PLCB4: variants seen among roughly 807,000 people sequenced by gnomAD.
PLCB4 encodes 1-phosphatidylinositol 4,5-bisphosphate phosphodiesterase beta-4.
In PLCB4, 77 loss-of-function variants were observed where a neutral mutation model predicts 178.8. The ratio of observed to expected loss-of-function variants is 0.43; its 90% confidence interval spans 0.36 to 0.52. PLCB4 has a LOEUF of 0.52. Among genes scored for constraint, PLCB4 ranks in the 20% least tolerant of loss-of-function variants. The pLI is 0.00. For synonymous variants in PLCB4, 496 were observed against 490.8 expected (o/e 1.01, Z -0.14); for missense variants, 1,024 against 1,453.4 (o/e 0.70, Z 4.80).
intron 2 of PLCB4, among the ~76,000 whole-genome samples, chr20:9,182,517 A>G (rs1456850212): frequency 1.3e-5 from 2 of 152,186 alleles, no homozygotes; most frequent in East Asian, 1.9e-4. Context: ...CAGAAGATGC[A>G]TCTGTAGTAT....
chr20:9,260,343 C>T (rs182763248), intron 3 of PLCB4, among the ~76,000 whole-genome samples: 10 of 152,162 alleles, frequency 6.6e-5, no homozygotes, highest in African/African-American at 2.2e-4. Flanking sequence ...TAGTTATTCT[C>T]TTTTTGTAAA....
intron 4 of PLCB4, among the ~76,000 whole-genome samples, chr20:9,315,453 A>G (rs558226945): frequency 1.3e-5 from 2 of 152,342 alleles, no homozygotes; most frequent in Non-Finnish European, 2.9e-5. Context: ...ACAATAAACC[A>G]ATAAGCATAG....
In PLCB4 at chr20:9,480,348, A is replaced by G. The variant is rs976175011; in HGVS notation, c.*1339A>G. On this transcript the variant is annotated 3_prime_UTR_variant, in exon 40 of 40. Transcript: ENST00000378473. ...TACTGATTTTAGGGCACAGCACCAG[A>G]TGAATTGTTGTATATGCTTGTAAAA... The G allele has an allele frequency of 6.6e-6, 1 of 152,620 alleles. No homozygotes were observed. Among genetic ancestry groups the G allele is most frequent in the Non-Finnish European group, 1.5e-5 (1 of 68,042 alleles). The allele number at this position is 152,620 out of a possible 1,614,324, so 9.5% of individuals were successfully genotyped here. A position where few individuals can be genotyped will look rare whatever the true frequency, so the allele number is the denominator to read the frequency against.
chr20:9,295,940 G>C (rs568877153), intron 3 of PLCB4, among the ~76,000 whole-genome samples: 8 of 152,148 alleles, frequency 5.3e-5, no homozygotes, highest in African/African-American at 1.4e-4. Context: ...TCAGGACATA[G>C]GCATGGGCAA....
At chr20:9,188,361 G>A (rs571600432) in intron 2 of PLCB4, among the ~76,000 whole-genome samples, 7 of 152,344 alleles carry the variant, frequency 4.6e-5, no homozygotes, top group African/African-American at 1.7e-4. Context: ...TGTCATGTGC[G>A]AGGAACAGCA....
At chr20:9,119,995 G>A (rs1030365894) in intron 2 of PLCB4, among the ~76,000 whole-genome samples, 2 of 152,182 alleles carry the variant, frequency 1.3e-5, no homozygotes, top group Non-Finnish European at 2.9e-5. Context: ...CCAGCCGGTC[G>A]GACACATGAC....
chr20:9,307,494 T>TACACACAC (rs745918024), intron 3 of PLCB4, among the ~76,000 whole-genome samples: 55 of 138,166 alleles, frequency 4.0e-4, no homozygotes, highest in South Asian at 5.2e-4. Flanking sequence ...AAAAAAAGAA[T>TACACACAC]ACACACACAC....
intron 32 of PLCB4, among the ~76,000 whole-genome samples, chr20:9,452,963 G>C (rs1252402953): frequency 6.6e-6 from 1 of 152,210 alleles, no homozygotes; most frequent in Non-Finnish European, 1.5e-5. Context: ...TTGCATGTTT[G>C]AGGACCAATG....
chr20:9,073,850 T>G (rs1328293353), intron 1 of PLCB4, among the ~76,000 whole-genome samples: 1 of 151,934 alleles, frequency 6.6e-6, no homozygotes, highest in Non-Finnish European at 1.5e-5. Context: ...ATCGCATCAG[T>G]GCACTCTAGC....
At chr20:9,363,817 A>G (rs1249987494) in intron 8 of PLCB4, among the ~76,000 whole-genome samples, 3 of 152,238 alleles carry the variant, frequency 2.0e-5, no homozygotes, top group Admixed American at 1.3e-4. Context: ...ATCTCTCAAA[A>G]TTATGCCCCA....
At chr20:9,242,418 A>G (rs74846018) in intron 3 of PLCB4, among the ~76,000 whole-genome samples, 8,892 of 152,316 alleles carry the variant, frequency 0.058, 812 homozygotes, top group African/African-American at 0.19. Context: ...TTCAGGGCAA[A>G]TGAAAACAAA....
In PLCB4 at chr20:9,435,564, C is replaced by T. The variant is rs748785049; in HGVS notation, c.2529C>T (p.Ile843=). Residue 843 remains isoleucine, a synonymous_variant, in exon 29 of 40, where the codon ATC becomes ATT. Coordinates refer to ENST00000378473, the MANE Select transcript of PLCB4 (RefSeq NM_001377142.1). The part of the protein sequence containing the change: ...KTYVPDGFGD[I]VDALSDPKKF... ...TTGGGTTTTTTTTTCCCCTAGATAT[C>T]GTGGATGCTTTATCAGATCCAAAGA... The T allele has an allele frequency of 3.0e-5, 47 of 1,585,106 alleles. No individual in the cohort carries two copies. Among genetic ancestry groups the T allele is most frequent in the South Asian group, 1.9e-4 (17 of 89,696 alleles).
chr20:9,245,718 G>A (rs909758668), intron 3 of PLCB4, among the ~76,000 whole-genome samples: 16 of 147,162 alleles, frequency 1.1e-4, no homozygotes, highest in African/African-American at 4.1e-4. Context: ...AGAACCAAGA[G>A]GCAATAAATA....
chr20:9,418,481 C>T (rs375086412), intron 25 of PLCB4, among the ~76,000 whole-genome samples: 16 of 152,184 alleles, frequency 1.1e-4, no homozygotes, highest in African/African-American at 3.1e-4. Context: ...CCATAGATAA[C>T]GTGGATTTAT....
In PLCB4 at chr20:9,380,749, A is replaced by T. The variant is rs537081307; in HGVS notation, c.853+587A>T. The stretch of plus-strand genomic sequence containing the variant: ...TTGTCAAAGGAAAGGCATGGGGAGA[A>T]ATTTTAAAATCAGTCCCACAGCAGT... On this transcript the variant is annotated intron_variant, in intron 13 of 39. Coordinates refer to ENST00000378473, the MANE Select transcript of PLCB4 (RefSeq NM_001377142.1). Among the ~76,000 whole-genome samples, 14 of 152,282 alleles carry T rather than the reference A, an allele frequency of 9.2e-5. No homozygotes were observed. The East Asian group carries it at 2.3e-3, about 25-fold the overall frequency.
At chr20:9,402,529 G>A (rs1174090684) in intron 20 of PLCB4, among the ~76,000 whole-genome samples, 1 of 152,178 alleles carries the variant, frequency 6.6e-6, no homozygotes, top group African/African-American at 2.4e-5. Flanking sequence ...GGGCAGTGTA[G>A]CCTGATTCAA....
rs143895028 is a variant in PLCB4, at chr20:9,409,553, G to A, written c.1999+372G>A. ...TTGAGTATCTTTGTACAGTAACAGC[G>A]ACTCATTTCTCCTTTGGCAAACACC... On this transcript the variant is annotated intron_variant, in intron 24 of 39. Coordinates refer to ENST00000378473, the MANE Select transcript of PLCB4 (RefSeq NM_001377142.1). Among the ~76,000 whole-genome samples the A allele has an allele frequency of 3.8e-3, 571 of 152,204 alleles. 2 individuals are homozygous for A. Among genetic ancestry groups the A allele is most frequent in the Admixed American group, 7.3e-3 (112 of 15,282 alleles).
chr20:9,133,139 G>A (rs73895591), intron 2 of PLCB4, among the ~76,000 whole-genome samples: 4,465 of 152,218 alleles, frequency 0.029, 229 homozygotes, highest in African/African-American at 0.1. Context: ...TTATGCAGCA[G>A]CAAACTACTT....
chr20:9,403,427 A>AAGGAAGGAC (rs2039193313), intron 20 of PLCB4, among the ~76,000 whole-genome samples: 2 of 152,164 alleles, frequency 1.3e-5, no homozygotes, highest in Non-Finnish European at 2.9e-5. Flanking sequence ...AACAGTGTTA[A>AAGGAAGGAC]CAGAAGGACT....
Sources: gnomAD v4.1 joint callset for allele counts (sites outside exome capture counted in the v4.1 genomes callset) on GRCh38, gnomAD v4.1.1 for gene constraint, MANE v1.5 for transcripts, NCBI Gene and HGNC (gene_info 2026-07-23, HGNC 2026-07-21) for gene names.